The following TLCD3B variants were observed in gnomAD, a reference collection of about 807,000 sequenced individuals.
TLCD3B encodes TLC domain containing 3B, also known as ceramide synthase.
A neutral mutation model predicts 23.0 loss-of-function variants in TLCD3B; 9 were observed. That is an observed-to-expected ratio of 0.39 (90% CI 0.24 to 0.68). TLCD3B has a LOEUF of 0.68. Ranked by LOEUF, TLCD3B falls within the 30% of genes least tolerant of loss-of-function variation. TLCD3B has a pLI of 0.44. For missense variants in TLCD3B, 307 were observed against 371.8 expected, an observed-to-expected ratio of 0.83 and a Z score of 1.43; for synonymous variants, 161 against 161.0, an observed-to-expected ratio of 1.00 and a Z score of 0.00.
upstream of TLCD3B, among the ~76,000 whole-genome samples, chr16:30,031,973 C>T (rs926623752): frequency 3.3e-5 from 5 of 152,160 alleles, no homozygotes; most frequent in African/African-American, 9.7e-5. Flanking sequence ...CCTAGGATGC[C>T]CAGGCCCTGT....
chr16:30,040,147 A>AAATATATATATATATATATATATATAT, intron 3 of TLCD3B, among the ~76,000 whole-genome samples: 1 of 95,898 alleles, frequency 1.0e-5, no homozygotes, highest in African/African-American at 4.3e-5. Flanking sequence ...AAAAAAAAAA[A>AAATATATATATATATATATATATATAT]ATATATATAT....
rs533824431 is a variant in TLCD3B at position 30,040,050 on chromosome 16, C to T, written c.-67+945G>A. ...TCAGGAGGCTGAGGCAGGAGAATTG[C>T]TTGAACCCAGGAGGCGGAGGTTGCA... On this transcript the variant is annotated intron_variant, in intron 3 of 6. Transcript: ENST00000561666. Among the ~76,000 whole-genome samples, 32 of 149,812 alleles carry T rather than the reference C, an allele frequency of 2.1e-4. No individual in the cohort carries two copies. The South Asian group carries it at 6.5e-3, about 30-fold the overall frequency.
At chr16:30,028,762 G>GCAA (rs2071253828) in intron 2 of TLCD3B, among the ~76,000 whole-genome samples, 1 of 152,152 alleles carries the variant, frequency 6.6e-6, no homozygotes, top group Non-Finnish European at 1.5e-5. Context: ...AGGGGGCGTT[G>GCAA]TGGGCACCTC....
In TLCD3B at chr16:30,030,817, G is replaced by A; in HGVS notation, c.-290C>T. 8.8e-7 allele frequency: 1 copy of A among 1,136,568 alleles called. No homozygotes were observed. Among genetic ancestry groups the A allele is most frequent in the Non-Finnish European group, 1.1e-6 (1 of 927,182 alleles). 70.4% of individuals were successfully genotyped at this position (1,136,568 alleles called of 1,614,324 possible). A position where few individuals can be genotyped will look rare whatever the true frequency, so the allele number is the denominator to read the frequency against. ...AGAGGCAAAGAGGGGATGGCTTGGT[G>A]AGGGACAGAGAGGAAGAGGGGACAG... is the stretch of plus-strand genomic sequence containing the variant. On this transcript the variant is annotated 5_prime_UTR_variant, in exon 1 of 5. Transcript: ENST00000380495.
chr16:30,046,020 G>A (rs2071668693), intron 2 of TLCD3B, among the ~76,000 whole-genome samples: 1 of 152,040 alleles, frequency 6.6e-6, no homozygotes, highest in Non-Finnish European at 1.5e-5. Context: ...TGAGGTGAGA[G>A]GATCGCTTGA....
chr16:30,029,151 G>T lies in TLCD3B; in HGVS notation c.209+281C>A, dbSNP rs994660419. 2.0e-5 allele frequency among the ~76,000 whole-genome samples: 3 copies of T among 152,166 alleles called. No homozygotes were observed. The highest frequency in any genetic ancestry group is 4.4e-5 in the Non-Finnish European group (3 of 68,018). On this transcript the variant is annotated intron_variant, in intron 2 of 4. Transcript: ENST00000380495. This position sits in a 1 kb window ranked among gnomAD's most constrained non-coding sequence, Gnocchi z 4.6. ...GGGTGGAAGGCAGGGAGGAGGTGGG[G>T]AACCACGACAACACGGGAGACCTGG... is the stretch of plus-strand genomic sequence containing the variant.
intron 3 of TLCD3B, among the ~76,000 whole-genome samples, chr16:30,039,590 C>G (rs1340805572): frequency 1.3e-5 from 2 of 151,944 alleles, no homozygotes; most frequent in Non-Finnish European, 2.9e-5. Flanking sequence ...ACACAACACT[C>G]AGCTAATTTT....
Position 30,030,851 on chromosome 16 carries a change from G to C in TLCD3B, c.-324C>G. On this transcript the variant is annotated 5_prime_UTR_variant, in exon 1 of 5. Transcript: ENST00000380495. Reference sequence around the variant, plus strand: ...AGAGGAAGAGGGGACAGGAGGAGGAGGATGCGGATGGGGGAGGGGAGGGAG... The same window carrying C: ...AGAGGAAGAGGGGACAGGAGGAGGACGATGCGGATGGGGGAGGGGAGGGAG... The C allele has an allele frequency of 9.8e-7, 1 of 1,016,394 alleles. No homozygotes were observed. The allele number at this position is 1,016,394 out of a possible 1,614,324, so 63.0% of individuals were successfully genotyped here. A position where few individuals can be genotyped will look rare whatever the true frequency, so the allele number is the denominator to read the frequency against.
In TLCD3B at chr16:30,050,563, A is replaced by C. The variant is rs571677726; in HGVS notation, c.-294+2211T>G. 2.0e-5 allele frequency among the ~76,000 whole-genome samples: 3 copies of C among 152,280 alleles called. No homozygotes were observed. In the East Asian group the frequency reaches 5.8e-4, roughly 29 times the overall value. On this transcript the variant is annotated intron_variant, in intron 1 of 6. Coordinates refer to the TLCD3B transcript ENST00000561666. Reference sequence around the variant, plus strand: ...TCTCAAAAAAAACAAAAACAAAAACAAAAACCGGAAGACAGCCTAAGAAGA... The same window carrying C: ...TCTCAAAAAAAACAAAAACAAAAACCAAAACCGGAAGACAGCCTAAGAAGA...
At chr16:30,042,674 A>G (rs112424683) in intron 2 of TLCD3B, among the ~76,000 whole-genome samples, 1 of 152,286 alleles carries the variant, frequency 6.6e-6, no homozygotes, top group Non-Finnish European at 1.5e-5. Flanking sequence ...AAACTTACCA[A>G]TATCCTAACT....
intron 1 of TLCD3B, among the ~76,000 whole-genome samples, chr16:30,047,145 C>CTGTG (rs1340067546): frequency 6.9e-6 from 1 of 145,098 alleles, no homozygotes; most frequent in Non-Finnish European, 1.5e-5. Context: ...ATCTGTCTGT[C>CTGTG]TGTCTGTCTG....
At chr16:30,028,789 G>T (rs1053731609) in intron 2 of TLCD3B, among the ~76,000 whole-genome samples, 26 of 152,140 alleles carry the variant, frequency 1.7e-4, no homozygotes, top group African/African-American at 6.3e-4. Context: ...AACTTGCAAC[G>T]GGCCACCCGT....
intron 3 of TLCD3B, among the ~76,000 whole-genome samples, chr16:30,036,977 C>G (rs1596764939): frequency 6.6e-6 from 1 of 151,604 alleles, no homozygotes; most frequent in Admixed American, 6.6e-5. Flanking sequence ...CCCAGCTATT[C>G]AGGAGGCTGA....
intron 2 of TLCD3B, among the ~76,000 whole-genome samples, chr16:30,045,717 T>C (rs1224147409): frequency 1.5e-4 from 22 of 147,558 alleles, no homozygotes; most frequent in Admixed American, 1.5e-3. Context: ...GTTGTGTGTG[T>C]TTGTGTGTGT....
At chr16:30,042,970 C>A (rs1203658353) in intron 2 of TLCD3B, among the ~76,000 whole-genome samples, 1 of 152,010 alleles carries the variant, frequency 6.6e-6, no homozygotes, top group Non-Finnish European at 1.5e-5. Flanking sequence ...CGTGGTGGCA[C>A]ACGCCTGTAA....
rs1035629361 is a variant in TLCD3B, at chr16:30,029,309, C to T, written c.209+123G>A. The T allele has an allele frequency of 1.7e-5, 14 of 812,360 alleles. No individual in the cohort carries two copies. Among genetic ancestry groups the T allele is most frequent in the Non-Finnish European group, 2.9e-5 (14 of 487,338 alleles). 50.3% of individuals were successfully genotyped at this position (812,360 alleles called of 1,614,324 possible). A position where few individuals can be genotyped will look rare whatever the true frequency, so the allele number is the denominator to read the frequency against. On this transcript the variant is annotated intron_variant, in intron 2 of 4. Transcript: ENST00000380495. This position sits in a 1 kb window ranked among gnomAD's most constrained non-coding sequence, Gnocchi z 4.6. ...TTGCGGTTATTGCAGTTAACTTGCT[C>T]AGGCCCAAGTTAAGGGCTTGGGGAC...
chr16:30,030,364 A>G (rs1410901156), intron 1 of TLCD3B, 39 bp downstream of exon 1: 5 of 1,513,200 alleles, frequency 3.3e-6, no homozygotes, highest in Non-Finnish European at 4.4e-6. Flanking sequence ...GAGAAGCCCA[A>G]GAAGCAGACA....
Position 30,025,910 on chromosome 16 carries a change from T to G in TLCD3B, c.445-89A>C, listed in dbSNP as rs1368346260. The G allele has an allele frequency of 9.9e-7, 1 of 1,013,366 alleles. No individual in the cohort carries two copies. The highest frequency in any genetic ancestry group is 1.6e-5 in the African/African-American group (1 of 63,310). 62.8% of individuals were successfully genotyped at this position (1,013,366 alleles called of 1,614,324 possible). On this transcript the variant is annotated intron_variant, in intron 3 of 4. Coordinates refer to ENST00000380495, the MANE Select transcript of TLCD3B (RefSeq NM_031478.6). The surrounding 1 kb of genome is among the most constrained non-coding windows in gnomAD (Gnocchi z 4.1). ...CCTTCCTCTTTCCCCTCTGTCACTTTGGGAGATGCTTGACTCTGAACATCA... is the reference window on the plus strand; with the variant it reads ...CCTTCCTCTTTCCCCTCTGTCACTTGGGGAGATGCTTGACTCTGAACATCA...
upstream of TLCD3B, chr16:30,036,188 G>C (rs1173787341): frequency 7.8e-7 from 1 of 1,288,820 alleles, no homozygotes; most frequent in Non-Finnish European, 1.0e-6. Flanking sequence ...AGAAAGGGAG[G>C]TTGATGTTTC....
Sources: gnomAD v4.1 joint callset for allele counts (sites outside exome capture counted in the v4.1 genomes callset) on GRCh38, gnomAD v4.1.1 for gene constraint, Gnocchi (gnomAD v3.1) non-coding constraint, MANE v1.5 for transcripts, NCBI Gene and HGNC (gene_info 2026-07-23, HGNC 2026-07-21) for gene names.